Variants in SAMD12 observed in about 807,000 individuals in gnomAD.
The protein encoded by SAMD12 is sterile alpha motif domain-containing protein 12.
SAMD12 carries 9 observed loss-of-function variants against 15.0 expected under a neutral mutation model. The observed-to-expected ratio is 0.60, with a 90% CI of 0.36 to 1.05. The LOEUF (loss-of-function observed/expected upper bound fraction) is 1.05, where lower values mean the gene tolerates loss of function less well. SAMD12 is among the 50% of genes least tolerant of loss of function. The pLI is 0.01. For synonymous variants in SAMD12, 86 were observed against 90.1 expected, an observed-to-expected ratio of 0.96 and a Z score of 0.25; for missense variants, 230 against 234.2, an observed-to-expected ratio of 0.98 and a Z score of 0.12.
At chr8:118,257,029 T>C (rs1453535409) in intron 4 of SAMD12, among the ~76,000 whole-genome samples, 4 of 152,096 alleles carry the variant, frequency 2.6e-5, no homozygotes, top group African/African-American at 9.7e-5. Flanking sequence ...TACTGCTTGC[T>C]CATGCTGCAA....
At chr8:118,273,692 A>C (rs1563725528) in intron 4 of SAMD12, among the ~76,000 whole-genome samples, 1 of 152,174 alleles carries the variant, frequency 6.6e-6, no homozygotes, top group Non-Finnish European at 1.5e-5. Flanking sequence ...CCTTAAAGGA[A>C]GGCAGGGCGG....
chr8:118,545,721 T>C (rs1245417109), intron 2 of SAMD12, among the ~76,000 whole-genome samples: 1 of 152,200 alleles, frequency 6.6e-6, no homozygotes, highest in Non-Finnish European at 1.5e-5. Flanking sequence ...AATCATAATA[T>C]GCAAGCAACT....
At chr8:118,589,044 C>G (rs1437968127) in intron 1 of SAMD12, among the ~76,000 whole-genome samples, 1 of 152,134 alleles carries the variant, frequency 6.6e-6, no homozygotes, top group Non-Finnish European at 1.5e-5. Context: ...GCATTAAAAG[C>G]TGAACATGTC....
chr8:118,139,619 A>G, the SAMD12 span, among the ~76,000 whole-genome samples: 1 of 152,136 alleles, frequency 6.6e-6, no homozygotes, highest in Non-Finnish European at 1.5e-5. Flanking sequence ...CAGCCTCCCA[A>G]GTAGTTGGGA....
chr8:118,555,033 T>A (rs59761097), intron 2 of SAMD12, among the ~76,000 whole-genome samples: 3,093 of 152,272 alleles, frequency 0.02, 121 homozygotes, highest in African/African-American at 0.069. Context: ...GAAAGGCATT[T>A]ACACCTCAAG....
chr8:118,375,156 C>G (rs1006503984), downstream of SAMD12, among the ~76,000 whole-genome samples: 10 of 152,072 alleles, frequency 6.6e-5, no homozygotes, highest in African/African-American at 2.4e-4. Context: ...GCAATGAACT[C>G]TATTATACGG....
intron 4 of SAMD12, among the ~76,000 whole-genome samples, chr8:118,211,304 T>C (rs1404252465): frequency 6.6e-6 from 1 of 151,942 alleles, no homozygotes; most frequent in Non-Finnish European, 1.5e-5. Context: ...AGCGATGGAG[T>C]CTCACTCATT....
chr8:118,342,477 T>C (rs1181245075), intron 4 of SAMD12, among the ~76,000 whole-genome samples: 1 of 152,224 alleles, frequency 6.6e-6, no homozygotes, highest in South Asian at 2.1e-4. Flanking sequence ...GAATATCTCC[T>C]ACTTTGAAAT....
chr8:118,469,144 A>G (rs1445975787), intron 2 of SAMD12, among the ~76,000 whole-genome samples: 1 of 151,954 alleles, frequency 6.6e-6, no homozygotes, highest in African/African-American at 2.4e-5. Flanking sequence ...CTCACCTTTT[A>G]AAACTACCCA....
the SAMD12 span, among the ~76,000 whole-genome samples, chr8:118,146,502 T>C: frequency 6.6e-6 from 1 of 152,188 alleles, no homozygotes. Flanking sequence ...GACCCCATAT[T>C]CCAATTCTCT....
At chr8:118,148,182 G>A in the SAMD12 span, among the ~76,000 whole-genome samples, 1 of 151,882 alleles carries the variant, frequency 6.6e-6, no homozygotes, top group African/African-American at 2.4e-5. Context: ...CACTCCCCTA[G>A]GCCTGGGATT....
At chr8:118,152,328 T>C in the SAMD12 span, among the ~76,000 whole-genome samples, 1 of 152,216 alleles carries the variant, frequency 6.6e-6, no homozygotes, top group Admixed American at 6.5e-5. Context: ...AGATTTAGGA[T>C]TGGAATAACA....
At chr8:118,267,532 C>T (rs1309338456) in intron 4 of SAMD12, among the ~76,000 whole-genome samples, 2 of 152,064 alleles carry the variant, frequency 1.3e-5, no homozygotes, top group African/African-American at 4.8e-5. Context: ...AGTGGGTTTG[C>T]TAGGAAAGAT....
the SAMD12 span, among the ~76,000 whole-genome samples, chr8:118,172,696 G>C: frequency 5.3e-5 from 8 of 152,160 alleles, no homozygotes; most frequent in Non-Finnish European, 1.0e-4. Flanking sequence ...CGTTACCACA[G>C]AGTAATAAAT....
chr8:118,333,710 C>T (rs936017339), intron 4 of SAMD12, among the ~76,000 whole-genome samples: 1 of 152,134 alleles, frequency 6.6e-6, no homozygotes, highest in Non-Finnish European at 1.5e-5. Context: ...TTTATGTACC[C>T]CATTCTCCTC....
At chr8:118,313,174 T>C (rs968854622) in intron 4 of SAMD12, among the ~76,000 whole-genome samples, 2 of 152,194 alleles carry the variant, frequency 1.3e-5, no homozygotes, top group African/African-American at 4.8e-5. Flanking sequence ...AGGAATTTTC[T>C]CTTCTAAACA....
At chr8:118,323,933 T>A (rs758219997) in intron 4 of SAMD12, among the ~76,000 whole-genome samples, 4 of 152,178 alleles carry the variant, frequency 2.6e-5, no homozygotes, top group Non-Finnish European at 5.9e-5. Context: ...CTCCTATACA[T>A]ACAGGTTTTT....
intron 4 of SAMD12, among the ~76,000 whole-genome samples, chr8:118,285,906 T>C (rs1281115938): frequency 6.6e-6 from 1 of 152,144 alleles, no homozygotes; most frequent in African/African-American, 2.4e-5. Flanking sequence ...CTAAGTGCCT[T>C]GCTGAGCCTG....
At chr8:118,233,738 A>G (rs922290221) in intron 4 of SAMD12, among the ~76,000 whole-genome samples, 6 of 152,194 alleles carry the variant, frequency 3.9e-5, no homozygotes, top group Non-Finnish European at 8.8e-5. Flanking sequence ...CTAGGTTAGC[A>G]TATGAACTCC....
Sources: allele counts gnomAD v4.1 joint callset (sites outside exome capture counted in the v4.1 genomes callset), GRCh38; gene constraint gnomAD v4.1.1; transcripts MANE v1.5; gene names NCBI Gene and HGNC (gene_info 2026-07-23, HGNC 2026-07-21).